TRAF5: variants seen among roughly 807,000 people sequenced by gnomAD.
TRAF5 encodes the protein TNF receptor associated factor 5, also known as TNF receptor-associated factor 5.
A neutral mutation model predicts 64.5 loss-of-function variants in TRAF5; 48 were observed. That is an observed-to-expected ratio of 0.74 (90% CI 0.59 to 0.95). The LOEUF is 0.95. TRAF5 is among the 40% of genes least tolerant of loss of function. The pLI, the probability that TRAF5 is intolerant of heterozygous loss-of-function variation, is 0.00. For synonymous variants in TRAF5, 206 were observed against 240.5 expected (o/e 0.86, Z 1.33); for missense variants, 545 against 662.8 (o/e 0.82, Z 1.95).
Position 211,374,078 on chromosome 1 carries a change from A to T in TRAF5, c.*1376A>T, listed in dbSNP as rs1483009843. On this transcript the variant is annotated 3_prime_UTR_variant, in exon 11 of 11. Transcript: ENST00000261464. ...TAAGCTGCTATGCAAATGGGCATTT[A>T]TATAAACTTGTGATGTTTCTTGTCA... The T allele has an allele frequency of 6.6e-6, 1 of 152,228 alleles. No homozygotes were observed. Among genetic ancestry groups the T allele is most frequent in the Non-Finnish European group, 1.5e-5 (1 of 68,050 alleles). The allele number at this position is 152,228 out of a possible 1,614,324, so 9.4% of individuals were successfully genotyped here.
In TRAF5 at chr1:211,372,717, T is replaced by C; in HGVS notation, c.*15T>C. On this transcript the variant is annotated 3_prime_UTR_variant, in exon 11 of 11. Coordinates refer to ENST00000261464, the MANE Select transcript of TRAF5 (RefSeq NM_001033910.3). ...AGGATCTCTAGTCACTGTTATGGGG[T>C]GATAAGAGGACTTCTTGGGGCCAGA... The C allele has an allele frequency of 6.2e-7, 1 of 1,608,288 alleles. No individual in the cohort carries two copies. The highest frequency in any genetic ancestry group is 2.2e-5 in the East Asian group (1 of 44,818).
intron 1 of TRAF5, among the ~76,000 whole-genome samples, chr1:211,342,369 G>A (rs1484564934): frequency 6.6e-6 from 1 of 151,772 alleles, no homozygotes; most frequent in East Asian, 1.9e-4. Flanking sequence ...TTTTATGGGT[G>A]TGTATTAGGT....
intron 4 of TRAF5, chr1:211,357,817 C>T (rs2102751236): frequency 6.6e-6 from 1 of 152,288 alleles, no homozygotes; most frequent in South Asian, 2.1e-4. Flanking sequence ...GAGAAGGGAT[C>T]AGCAAACTCT....
chr1:211,354,071 A>G (rs772528387), intron 2 of TRAF5, among the ~76,000 whole-genome samples: 1 of 152,196 alleles, frequency 6.6e-6, no homozygotes, highest in Non-Finnish European at 1.5e-5. Context: ...AAGAGCTACA[A>G]TGTGGAACAG....
chr1:211,332,633 A>G (rs1702186004), intron 1 of TRAF5, among the ~76,000 whole-genome samples: 2 of 152,220 alleles, frequency 1.3e-5, no homozygotes, highest in Admixed American at 1.3e-4. Context: ...AATATAAAGC[A>G]AAGGCTTACA....
intron 1 of TRAF5, among the ~76,000 whole-genome samples, chr1:211,331,043 C>G (rs972880781): frequency 6.6e-6 from 1 of 152,142 alleles, no homozygotes; most frequent in Non-Finnish European, 1.5e-5. Flanking sequence ...TGTCCGAGGC[C>G]GCCTCTTTCT....
chr1:211,359,776 C>T, intron 4 of TRAF5, 136 bp from the exon 5 acceptor site: 1 of 938,466 alleles, frequency 1.1e-6, no homozygotes, highest in Non-Finnish European at 1.6e-6. Flanking sequence ...TGAGAGCCTA[C>T]CCTCTGCCTT....
rs539881035 is a variant in TRAF5, at chr1:211,350,235, C to G, written c.-1-3004C>G. On this transcript the variant is annotated intron_variant, in intron 1 of 10. Coordinates refer to ENST00000261464, the MANE Select transcript of TRAF5 (RefSeq NM_001033910.3). Reference sequence around the variant, plus strand: ...TTTTCTTTCTTTTTTTTTTTTGAGACAGGGTCTCTCGCCCTGTCACCCGGG... The same window carrying G: ...TTTTCTTTCTTTTTTTTTTTTGAGAGAGGGTCTCTCGCCCTGTCACCCGGG... Among the ~76,000 whole-genome samples the G allele has an allele frequency of 2.4e-4, 35 of 143,108 alleles. 1 individual carries two copies. Among genetic ancestry groups the G allele is most frequent in the African/African-American group, 8.9e-4 (34 of 38,198 alleles). 93.9% of individuals were successfully genotyped at this position (143,108 alleles called of 152,430 possible).
chr1:211,358,791 ATAT>A (rs1363332850), intron 4 of TRAF5: 1 of 134,568 alleles, frequency 7.4e-6, no homozygotes, highest in Non-Finnish European at 1.5e-5. Flanking sequence ...ATATTAAATA[ATAT>A]TAAATAGTAT....
At chr1:211,332,029 C>T (rs937277974) in intron 1 of TRAF5, among the ~76,000 whole-genome samples, 1 of 152,086 alleles carries the variant, frequency 6.6e-6, no homozygotes, top group Non-Finnish European at 1.5e-5. Flanking sequence ...CCAGGTAGAC[C>T]TCAGGGGCCA....
At chr1:211,355,808 CAT>C (rs1459853286) in intron 3 of TRAF5, among the ~76,000 whole-genome samples, 15 of 152,196 alleles carry the variant, frequency 9.9e-5, no homozygotes, top group Admixed American at 7.9e-4. Flanking sequence ...AGTTTGGTGA[CAT>C]GTGAAATTCA....
At chr1:211,339,994 G>T (rs1416613293) in intron 1 of TRAF5, among the ~76,000 whole-genome samples, 1 of 152,230 alleles carries the variant, frequency 6.6e-6, no homozygotes, top group Non-Finnish European at 1.5e-5. Flanking sequence ...CTAGAATGAT[G>T]TTGACCTTTG....
Position 211,353,372 on chromosome 1 carries a change from T to C in TRAF5, c.133T>C (p.Cys45Arg). ...FVERLEERYK[C>R]AFCHSVLHNP... ...GGAGCGGTTGGAAGAGCGCTACAAA[T>C]GTGCCTTCTGCCACTCGGTGCTTCA... The change falls in exon 2 of 11, where the codon TGT becomes CGT. Residue 45 changes from cysteine (C) to arginine (R), a missense_variant. Physicochemically the swap from Cys to Arg is radical, Grantham distance 180 (BLOSUM62 -3). Transcript: ENST00000261464. 1 of 1,614,142 alleles carries C rather than the reference T, an allele frequency of 6.2e-7. No individual in the cohort carries two copies. The highest frequency in any genetic ancestry group is 8.5e-7 in the Non-Finnish European group (1 of 1,180,022).
chr1:211,326,688 C>T, upstream of TRAF5: 2 of 986,128 alleles, frequency 2.0e-6, no homozygotes, highest in Non-Finnish European at 2.4e-6. This position sits in a 1 kb window ranked among gnomAD's most constrained non-coding sequence, Gnocchi z 5.0. Context: ...GTTAGCTTTC[C>T]AACCGCCTGG....
Position 211,372,270 on chromosome 1 carries a change from G to A in TRAF5, c.1242G>A (p.Lys414=). The change falls in exon 11 of 11, where the codon AAG becomes AAA. Residue 414 remains lysine, a synonymous_variant. Transcript: ENST00000261464. ...GKLIWKVTDY[K]MKKREAVDGH... ...TCATTTGGAAGGTGACAGATTACAA[G>A]ATGAAGAAGAGAGAGGCGGTGGATG... is the stretch of plus-strand genomic sequence containing the variant. 6.2e-7 allele frequency: 1 copy of A among 1,614,148 alleles called. No individual in the cohort carries two copies. The highest frequency in any genetic ancestry group is 1.1e-5 in the South Asian group (1 of 91,086).
At chr1:211,359,385 G>A (rs1041638318) in intron 4 of TRAF5, 1 of 152,210 alleles carries the variant, frequency 6.6e-6, no homozygotes, top group South Asian at 2.1e-4. Flanking sequence ...ATAGCTTACT[G>A]TCCCTTCTTT....
At chr1:211,329,420 A>G (rs1331021212) in intron 1 of TRAF5, among the ~76,000 whole-genome samples, 4 of 152,148 alleles carry the variant, frequency 2.6e-5, no homozygotes, top group African/African-American at 9.7e-5. Context: ...CATCTGATTA[A>G]CTTCTCACTA....
At position 211,373,445 on chromosome 1, in the gene TRAF5, G is replaced by C. The variant is rs1404116148; in HGVS notation, c.*743G>C. 6.6e-6 allele frequency: 1 copy of C among 151,984 alleles called. No individual in the cohort carries two copies. Among genetic ancestry groups the C allele is most frequent in the East Asian group, 1.9e-4 (1 of 5,188 alleles). The allele number at this position is 151,984 out of a possible 1,614,324, so 9.4% of individuals were successfully genotyped here. On this transcript the variant is annotated 3_prime_UTR_variant, in exon 11 of 11. Transcript: ENST00000261464. ...CCCTATGAAAAAAACTATTTTCATA[G>C]GTCAAAAATGGTAAAAAATTAGCAG...
rs778886331 is a variant in TRAF5 at position 211,353,449 on chromosome 1, G to T, written c.210G>T (p.Leu70=). ...CGHRFCQHCI[L]SLRELNTVPI... is the part of the protein sequence containing the mutation. ...ACCGCTTCTGCCAGCACTGCATCCT[G>T]TCCCTGAGGTGAGTGGGCAGGGCCT... The change falls in exon 2 of 11, where the codon CTG becomes CTT. Residue 70 remains leucine, a synonymous_variant. Transcript: ENST00000261464. 37 of 1,612,450 alleles carry T rather than the reference G, an allele frequency of 2.3e-5. No homozygotes were observed. Among genetic ancestry groups the T allele is most frequent in the Non-Finnish European group, 2.7e-5 (32 of 1,179,742 alleles).
Sources: allele counts gnomAD v4.1 joint callset (sites outside exome capture counted in the v4.1 genomes callset), GRCh38; gene constraint gnomAD v4.1.1; non-coding constraint Gnocchi (gnomAD v3.1); transcripts MANE v1.5; gene names NCBI Gene and HGNC (gene_info 2026-07-23, HGNC 2026-07-21).